The following APP variants were observed in gnomAD, a reference collection of about 807,000 sequenced individuals.
The protein encoded by APP is amyloid-beta precursor protein.
A neutral mutation model predicts 101.4 loss-of-function variants in APP; 31 were observed. The observed-to-expected ratio is 0.31, with a 90% CI of 0.23 to 0.41. APP has a LOEUF of 0.41. Ranked by LOEUF, APP falls within the 10% of genes least tolerant of loss-of-function variation. The pLI, the probability that APP is intolerant of heterozygous loss-of-function variation, is 1.00. For missense variants in APP, 839 were observed against 1,003.7 expected (o/e 0.84, Z 2.22); for synonymous variants, 366 against 364.4 (o/e 1.00, Z -0.05).
intron 3 of APP, among the ~76,000 whole-genome samples, chr21:26,056,563 C>T (rs1377837451): frequency 6.7e-6 from 1 of 149,952 alleles, no homozygotes; most frequent in African/African-American, 2.5e-5. Flanking sequence ...CACCCCCCTG[C>T]CCCCAACACC....
intron 6 of APP, among the ~76,000 whole-genome samples, chr21:26,003,091 T>G (rs992999021): frequency 1.3e-5 from 2 of 152,230 alleles, no homozygotes. Flanking sequence ...ATACCACTAA[T>G]TAAACATAAT....
chr21:25,881,152 G>GA lies in APP; in HGVS notation c.*517dup, dbSNP rs930856936. On this transcript the variant is annotated 3_prime_UTR_variant, in exon 18 of 18. Coordinates refer to ENST00000346798, the MANE Select transcript of APP (RefSeq NM_000484.4). ...ATCTGTACAGTAAAATGCAGTCATGGAAAAAAAATCTCTCTAAAGCATCTG... is the reference window on the plus strand; with the variant it reads ...ATCTGTACAGTAAAATGCAGTCATGGAAAAAAAAATCTCTCTAAAGCATCTG... 4.3e-5 allele frequency: 8 copies of GA among 184,510 alleles called. No individual in the cohort carries two copies. Among genetic ancestry groups the GA allele is most frequent in the East Asian group, 4.1e-4 (3 of 7,272 alleles). The allele number at this position is 184,510 out of a possible 1,614,324, so 11.4% of individuals were successfully genotyped here. A position where few individuals can be genotyped will look rare whatever the true frequency, so the allele number is the denominator to read the frequency against.
At chr21:26,095,035 A>G (rs2061910578) in intron 2 of APP, among the ~76,000 whole-genome samples, 1 of 152,184 alleles carries the variant, frequency 6.6e-6, no homozygotes. Flanking sequence ...CAGTAAAGAC[A>G]GGGTTTCACC....
intron 6 of APP, among the ~76,000 whole-genome samples, chr21:26,010,820 CAAAAAAAA>C (rs58036272): frequency 1.8e-5 from 1 of 54,842 alleles, no homozygotes; most frequent in East Asian, 6.6e-4. Context: ...GACTTCGTCT[CAAAAAAAA>C]AAAAAAAAAA....
chr21:25,889,607 G>A (rs2037556139), intron 17 of APP, among the ~76,000 whole-genome samples: 1 of 152,176 alleles, frequency 6.6e-6, no homozygotes, highest in Non-Finnish European at 1.5e-5. Context: ...TTGGGAGGTT[G>A]GGGAGGGCGG....
intron 3 of APP, among the ~76,000 whole-genome samples, chr21:26,072,963 G>T (rs1181052341): frequency 1.3e-5 from 2 of 152,016 alleles, no homozygotes; most frequent in East Asian, 3.9e-4. Flanking sequence ...TTTTGATAAG[G>T]AACTGGTGTA....
In APP at chr21:26,170,589, G is replaced by A; in HGVS notation, c.32C>T (p.Ala11Val). The A allele has an allele frequency of 6.5e-7, 1 of 1,538,736 alleles. No individual in the cohort carries two copies. The highest frequency in any genetic ancestry group is 1.4e-5 in the African/African-American group (1 of 73,010). The change falls in exon 1 of 18, where the codon GCC becomes GTC. Residue 11 changes from alanine (A) to valine (V), a missense_variant. Physicochemically the swap from Ala to Val is moderately conservative, Grantham distance 64. Transcript: ENST00000346798. Reference sequence around the variant, plus strand: ...CTCCAGCGCCCGAGCCGTCCAGGCGGCCAGCAGGAGCAGTGCCAAACCGGG... The same window carrying A: ...CTCCAGCGCCCGAGCCGTCCAGGCGACCAGCAGGAGCAGTGCCAAACCGGG... MLPGLALLLL[A>V]AWTARALEVP... is the part of the protein sequence containing the mutation.
At chr21:26,135,010 T>A (rs1352805734) in intron 1 of APP, among the ~76,000 whole-genome samples, 2 of 152,236 alleles carry the variant, frequency 1.3e-5, no homozygotes, top group African/African-American at 4.8e-5. Context: ...TTTAAAATCA[T>A]CCAACATTTT....
intron 1 of APP, among the ~76,000 whole-genome samples, chr21:26,149,414 G>A (rs1391269577): frequency 6.6e-6 from 1 of 152,170 alleles, no homozygotes; most frequent in African/African-American, 2.4e-5. Context: ...TACAGTACCT[G>A]GTAATTAGTA....
At chr21:26,034,156 G>A (rs2044979558) in intron 5 of APP, among the ~76,000 whole-genome samples, 1 of 152,104 alleles carries the variant, frequency 6.6e-6, no homozygotes, top group African/African-American at 2.4e-5. Flanking sequence ...TTTCTGCATG[G>A]ATAATATGTC....
intron 6 of APP, among the ~76,000 whole-genome samples, chr21:26,009,265 C>A (rs767710207): frequency 9.2e-5 from 14 of 152,150 alleles, no homozygotes; most frequent in Admixed American, 2.0e-4. Flanking sequence ...TCTTAAGATT[C>A]AAATATACAG....
At chr21:25,944,656 A>G (rs182211976) in intron 13 of APP, among the ~76,000 whole-genome samples, 1 of 152,200 alleles carries the variant, frequency 6.6e-6, no homozygotes, top group African/African-American at 2.4e-5. Flanking sequence ...TTCAAAATTA[A>G]TCTCAATTTG....
At chr21:26,069,099 T>C (rs1157845919) in intron 3 of APP, among the ~76,000 whole-genome samples, 2 of 152,214 alleles carry the variant, frequency 1.3e-5, no homozygotes, top group Non-Finnish European at 2.9e-5. Context: ...TGACTCCTGC[T>C]GAACACATTC....
At chr21:25,897,421 TTTA>T in intron 16 of APP, 149 bp downstream of exon 16, 3 of 740,038 alleles carry the variant, frequency 4.1e-6, no homozygotes, top group Non-Finnish European at 7.0e-6. Context: ...GCCTAGCCTA[TTTA>T]TTTTCTTCAT....
At chr21:26,101,653 C>T (rs1470341822) in intron 2 of APP, among the ~76,000 whole-genome samples, 1 of 152,128 alleles carries the variant, frequency 6.6e-6, no homozygotes, top group African/African-American at 2.4e-5. Context: ...TGATCTCCCA[C>T]AATGCTTTTC....
chr21:25,965,700 A>G (rs1338140868), intron 11 of APP, among the ~76,000 whole-genome samples: 2 of 152,200 alleles, frequency 1.3e-5, no homozygotes, highest in African/African-American at 4.8e-5. Flanking sequence ...GTGTATGCGT[A>G]CATGTTTCCA....
intron 6 of APP, among the ~76,000 whole-genome samples, chr21:26,016,865 C>A (rs768926525): frequency 1.3e-5 from 2 of 150,110 alleles, no homozygotes; most frequent in Non-Finnish European, 1.5e-5. Flanking sequence ...CCATTGCGCC[C>A]AGCCCAGGCC....
chr21:26,094,533 G>A (rs1329051584), intron 2 of APP, among the ~76,000 whole-genome samples: 8 of 150,544 alleles, frequency 5.3e-5, no homozygotes, highest in Non-Finnish European at 8.9e-5. Flanking sequence ...AGGAAAAAAA[G>A]CCTTTTTATG....
At chr21:26,105,894 AT>A (rs2062172728) in intron 2 of APP, among the ~76,000 whole-genome samples, 1 of 152,072 alleles carries the variant, frequency 6.6e-6, no homozygotes, top group Non-Finnish European at 1.5e-5. Flanking sequence ...TCATTCTTCT[AT>A]TTTGCCCATG....
Sources: gnomAD v4.1 joint callset for allele counts (sites outside exome capture counted in the v4.1 genomes callset) on GRCh38, gnomAD v4.1.1 for gene constraint, MANE v1.5 for transcripts, NCBI Gene and HGNC (gene_info 2026-07-23, HGNC 2026-07-21) for gene names.